IQSEC1: variants seen among roughly 807,000 people sequenced by gnomAD.
IQSEC1 encodes IQ motif and SEC7 domain-containing protein 1.
A neutral mutation model predicts 91.0 loss-of-function variants in IQSEC1; 31 were observed. The ratio of observed to expected loss-of-function variants is 0.34; its 90% CI spans 0.26 to 0.46. IQSEC1 has a LOEUF of 0.46. IQSEC1 is among the 20% of genes least tolerant of loss of function. The pLI, the probability that IQSEC1 is intolerant of heterozygous loss-of-function variation, is 1.00. For synonymous variants in IQSEC1, 699 were observed against 662.6 expected (o/e 1.05, Z -0.84); for missense variants, 1,388 against 1,575.6 (o/e 0.88, Z 2.02).
intron 1 of IQSEC1, among the ~76,000 whole-genome samples, chr3:13,202,807 T>G (rs921379371): frequency 6.6e-6 from 1 of 152,108 alleles, no homozygotes; most frequent in African/African-American, 2.4e-5. Context: ...TGCACCACGA[T>G]AAAAAAAGCC....
chr3:13,042,986 G>C (rs1385160441), intron 1 of IQSEC1, among the ~76,000 whole-genome samples: 1 of 152,196 alleles, frequency 6.6e-6, no homozygotes, highest in East Asian at 1.9e-4. Flanking sequence ...TAGCCACATG[G>C]TGCTTGGGGT....
chr3:13,108,501 C>A (rs1706190264), intron 2 of IQSEC1, among the ~76,000 whole-genome samples: 1 of 152,076 alleles, frequency 6.6e-6, no homozygotes, highest in Non-Finnish European at 1.5e-5. Context: ...AATGGGCATG[C>A]ACATTCTATT....
intron 1 of IQSEC1, among the ~76,000 whole-genome samples, chr3:13,171,766 C>T (rs1693619490): frequency 6.6e-6 from 1 of 152,196 alleles, no homozygotes; most frequent in Non-Finnish European, 1.5e-5. Context: ...AAATCCTCCT[C>T]CCTCTCCCTG....
At chr3:12,919,298 G>C (rs1338049943) in intron 6 of IQSEC1, among the ~76,000 whole-genome samples, 1 of 152,228 alleles carries the variant, frequency 6.6e-6, no homozygotes, top group African/African-American at 2.4e-5. Flanking sequence ...GCTGGGTGCA[G>C]GGAATGGCTG....
intron 2 of IQSEC1, among the ~76,000 whole-genome samples, chr3:13,118,752 C>T (rs912636963): frequency 1.3e-5 from 2 of 152,090 alleles, no homozygotes; most frequent in African/African-American, 4.8e-5. Context: ...CAAAACACTG[C>T]GAACGTACTT....
intron 2 of IQSEC1, among the ~76,000 whole-genome samples, chr3:13,164,004 AC>A (rs1429905624): frequency 6.6e-6 from 1 of 152,170 alleles, no homozygotes; most frequent in Non-Finnish European, 1.5e-5. Context: ...GAGAGGTCTG[AC>A]CTGGGAGACC....
At chr3:13,098,865 C>T (rs1019802476) in intron 2 of IQSEC1, among the ~76,000 whole-genome samples, 9 of 152,232 alleles carry the variant, frequency 5.9e-5, no homozygotes, top group South Asian at 2.1e-4. Flanking sequence ...GTCCTAAAAC[C>T]GACTGTGAAA....
chr3:13,043,733 A>G (rs1387714994), intron 1 of IQSEC1, among the ~76,000 whole-genome samples: 1 of 152,144 alleles, frequency 6.6e-6, no homozygotes, highest in Non-Finnish European at 1.5e-5. Context: ...CTCGATAATC[A>G]TTTGTGGAAG....
chr3:12,906,736 T>C (rs1030054225), intron 12 of IQSEC1, among the ~76,000 whole-genome samples: 2 of 152,224 alleles, frequency 1.3e-5, no homozygotes, highest in African/African-American at 4.8e-5. Context: ...GGTGGACAGC[T>C]GAGGTCCTGA....
chr3:13,072,391 C>A (rs1477618715), intron 1 of IQSEC1, among the ~76,000 whole-genome samples: 1 of 152,232 alleles, frequency 6.6e-6, no homozygotes, highest in Non-Finnish European at 1.5e-5. Context: ...AATACCCGGG[C>A]CCGTGATGTC....
intron 1 of IQSEC1, among the ~76,000 whole-genome samples, chr3:13,189,187 C>G (rs1192318749): frequency 1.3e-5 from 2 of 152,200 alleles, no homozygotes; most frequent in Non-Finnish European, 2.9e-5. Context: ...CAGCCACAGG[C>G]TCCCCACACT....
chr3:12,899,598 C>T lies in IQSEC1; in HGVS notation c.*1385G>A, dbSNP rs1386384097. ...GGACCATGGGAAGGCAGCGGGGGCTCCGCCGGGCACTCGTCGGCTGGGGTC... is the reference window on the plus strand; with the variant it reads ...GGACCATGGGAAGGCAGCGGGGGCTTCGCCGGGCACTCGTCGGCTGGGGTC... On this transcript the variant is annotated 3_prime_UTR_variant, in exon 14 of 14. Coordinates refer to ENST00000613206, the MANE Select transcript of IQSEC1 (RefSeq NM_001134382.3). 1.4e-5 allele frequency: 14 copies of T among 985,314 alleles called. No homozygotes were observed. Among genetic ancestry groups the T allele is most frequent in the Non-Finnish European group, 1.7e-5 (14 of 829,940 alleles). The allele number at this position is 985,314 out of a possible 1,614,324, so 61.0% of individuals were successfully genotyped here.
At chr3:13,063,721 G>A (rs1241077232) in intron 1 of IQSEC1, among the ~76,000 whole-genome samples, 1 of 152,248 alleles carries the variant, frequency 6.6e-6, no homozygotes, top group Non-Finnish European at 1.5e-5. Flanking sequence ...GGCAGCAAAA[G>A]GGACTTGTGT....
chr3:12,915,821 T>C (rs563626065), intron 6 of IQSEC1, 88 bp from the exon 7 acceptor site: 1 of 1,484,950 alleles, frequency 6.7e-7, no homozygotes, highest in Admixed American at 1.8e-5. Flanking sequence ...GAGCGAACCT[T>C]CCACTAGACC....
chr3:12,903,732 C>T (rs937758088), intron 12 of IQSEC1, among the ~76,000 whole-genome samples: 3 of 152,160 alleles, frequency 2.0e-5, no homozygotes, highest in African/African-American at 4.8e-5. Flanking sequence ...TGGAGCATGA[C>T]GGGCCCAGCT....
chr3:13,069,124 A>G (rs1168379017), intron 1 of IQSEC1, among the ~76,000 whole-genome samples: 1 of 152,232 alleles, frequency 6.6e-6, no homozygotes, highest in Non-Finnish European at 1.5e-5. Flanking sequence ...GCATTCTTGG[A>G]AAATAGCCCA....
chr3:13,248,001 G>A (rs1416007371), intron 1 of IQSEC1, among the ~76,000 whole-genome samples: 3 of 152,218 alleles, frequency 2.0e-5, no homozygotes, highest in South Asian at 2.1e-4. Context: ...GTCCAAGCTC[G>A]TGGGAGTGTA....
intron 1 of IQSEC1, among the ~76,000 whole-genome samples, chr3:13,007,411 C>T (rs543591207): frequency 2.0e-5 from 3 of 152,330 alleles, no homozygotes; most frequent in African/African-American, 7.2e-5. Context: ...GGGCAGAGGC[C>T]AGCCTGGCTC....
intron 2 of IQSEC1, among the ~76,000 whole-genome samples, chr3:13,156,655 TA>T (rs1463012200): frequency 1.1e-4 from 17 of 152,232 alleles, no homozygotes; most frequent in African/African-American, 4.1e-4. Context: ...CAGCACTGCA[TA>T]AGACAAAGTT....
Sources: allele counts gnomAD v4.1 joint callset (sites outside exome capture counted in the v4.1 genomes callset), GRCh38; gene constraint gnomAD v4.1.1; transcripts MANE v1.5; gene names NCBI Gene and HGNC (gene_info 2026-07-23, HGNC 2026-07-21).